ANXA6: variants seen among roughly 807,000 people sequenced by gnomAD.
ANXA6 encodes the protein annexin A6, also known as 67 kDa calelectrin.
In ANXA6, 71 loss-of-function variants were observed where a neutral mutation model predicts 95.4. That is an observed-to-expected ratio of 0.74 (90% CI 0.61 to 0.91). The LOEUF (loss-of-function observed/expected upper bound fraction) is 0.91, where lower values mean the gene tolerates loss of function less well. Ranked by LOEUF, ANXA6 falls within the 40% of genes least tolerant of loss-of-function variation. The pLI, the probability that ANXA6 is intolerant of heterozygous loss-of-function variation, is 0.00. For missense variants in ANXA6, 830 were observed against 876.4 expected (o/e 0.95, Z 0.67); for synonymous variants, 289 against 315.9 (o/e 0.91, Z 0.90).
rs1765749858 is a variant in ANXA6 at position 151,139,019 on chromosome 5, G to T, written c.205-228C>A. On this transcript the variant is annotated intron_variant, in intron 4 of 25. Coordinates refer to ENST00000354546, the MANE Select transcript of ANXA6 (RefSeq NM_001155.5). ...CTAGCAAACGGCTATGCAGGGTCAG[G>T]TCCACAGCCCTGTGCCACTTCCCCA... 5 of 600,126 alleles carry T rather than the reference G, an allele frequency of 8.3e-6. No homozygotes were observed. The South Asian group carries it at 1.0e-4, about 12-fold the overall frequency. The allele number at this position is 600,126 out of a possible 1,614,324, so 37.2% of individuals were successfully genotyped here. A position where few individuals can be genotyped will look rare whatever the true frequency, so the allele number is the denominator to read the frequency against.
intron 17 of ANXA6, among the ~76,000 whole-genome samples, chr5:151,121,759 T>A (rs570216400): frequency 6.6e-6 from 1 of 152,316 alleles, no homozygotes; most frequent in Admixed American, 6.5e-5. Context: ...TGACTTAAGC[T>A]GAATCAACTT....
chr5:151,144,382 C>T (rs1765921836), intron 2 of ANXA6, among the ~76,000 whole-genome samples: 1 of 152,140 alleles, frequency 6.6e-6, no homozygotes, highest in Non-Finnish European at 1.5e-5. Context: ...TATGTGGGAT[C>T]TAGAAACTAT....
intron 13 of ANXA6, among the ~76,000 whole-genome samples, chr5:151,127,859 G>T (rs1765370531): frequency 6.6e-6 from 1 of 152,158 alleles, no homozygotes; most frequent in Non-Finnish European, 1.5e-5. Context: ...TGATGAAACC[G>T]AGAAATGGCT....
intron 1 of ANXA6, among the ~76,000 whole-genome samples, chr5:151,153,467 TC>T (rs924864349): frequency 6.6e-6 from 1 of 152,174 alleles, no homozygotes; most frequent in Non-Finnish European, 1.5e-5. Flanking sequence ...CAGAAGGTAT[TC>T]CCCCGCTAGG....
intron 25 of ANXA6, 124 bp from the exon 26 acceptor site, chr5:151,101,631 A>C: frequency 1.2e-6 from 1 of 807,428 alleles, no homozygotes; most frequent in Non-Finnish European, 2.1e-6. Flanking sequence ...ATAGGATCCC[A>C]TGCCACATGT....
At chr5:151,119,229 G>A in intron 18 of ANXA6, 71 bp downstream of exon 18, 3 of 1,291,212 alleles carry the variant, frequency 2.3e-6, no homozygotes, top group Non-Finnish European at 3.4e-6. Flanking sequence ...GGGCAGAGCT[G>A]TGGGCTGGGG....
intron 18 of ANXA6, 68 bp downstream of exon 18, chr5:151,119,232 G>T: frequency 7.6e-7 from 1 of 1,315,332 alleles, no homozygotes; most frequent in South Asian, 1.2e-5. Context: ...CAGAGCTGTG[G>T]GCTGGGGTTG....
intron 1 of ANXA6, among the ~76,000 whole-genome samples, chr5:151,148,228 C>T (rs777337798): frequency 3.3e-5 from 5 of 152,204 alleles, no homozygotes; most frequent in Non-Finnish European, 7.3e-5. Flanking sequence ...CCTGTCTCAG[C>T]ACCGTCTCAG....
chr5:151,153,196 G>A (rs953516440), intron 1 of ANXA6, among the ~76,000 whole-genome samples: 14 of 152,088 alleles, frequency 9.2e-5, no homozygotes, highest in African/African-American at 1.7e-4. Flanking sequence ...AACCAGGAAC[G>A]CCTTCCACCA....
intron 20 of ANXA6, among the ~76,000 whole-genome samples, chr5:151,113,970 ACT>A (rs1270347099): frequency 2.0e-5 from 3 of 152,264 alleles, no homozygotes; most frequent in African/African-American, 7.2e-5. Flanking sequence ...CCGTGAAAAC[ACT>A]GTTAAGTGTT....
chr5:151,125,420 C>G lies in ANXA6; in HGVS notation c.1056+982G>C, dbSNP rs1765291063. Among the ~76,000 whole-genome samples the G allele has an allele frequency of 2.0e-5, 3 of 150,486 alleles. No individual in the cohort carries two copies. The South Asian group carries it at 6.3e-4, about 32-fold the overall frequency. ...GAATTAGGAAGTTGATACCATGTAT[C>G]ATAAACTGACAATTTACCACAAAAA... On this transcript the variant is annotated intron_variant, in intron 14 of 25. Transcript: ENST00000354546.
In ANXA6 at chr5:151,132,376, T is replaced by A. The variant is rs967663091; in HGVS notation, c.736+100A>T. 1.6e-4 allele frequency: 147 copies of A among 931,200 alleles called. 1 individual carries two copies. The highest frequency in any genetic ancestry group is 1.3e-4 in the Admixed American group (5 of 38,610). 57.7% of individuals were successfully genotyped at this position (931,200 alleles called of 1,614,324 possible). A position where few individuals can be genotyped will look rare whatever the true frequency, so the allele number is the denominator to read the frequency against. On this transcript the variant is annotated intron_variant, in intron 10 of 25. Coordinates refer to ENST00000354546, the MANE Select transcript of ANXA6 (RefSeq NM_001155.5). ...CCCACATGGTTTTCTCCTTCCCAAT[T>A]CTATACCATGTAATTCCCCTTTCCA...
At chr5:151,122,282 T>A (rs1234169826) in intron 16 of ANXA6, 22 bp from the exon 17 acceptor site, 1 of 1,471,824 alleles carries the variant, frequency 6.8e-7, no homozygotes, top group Admixed American at 1.8e-5. Context: ...AGAGCCACAG[T>A]CATGCCAACA....
At chr5:151,126,543 AACACACACACACACACAC>A (rs3079845) in intron 13 of ANXA6, 63 bp from the exon 14 acceptor site, 2 of 829,052 alleles carry the variant, frequency 2.4e-6, no homozygotes, top group Non-Finnish European at 4.0e-6. Context: ...CACTCACACC[AACACACACACACACACAC>A]ACACACACAC....
In ANXA6 at chr5:151,137,534, C is replaced by T. The variant is rs970355107; in HGVS notation, c.319-213G>A. 6.6e-5 allele frequency among the ~76,000 whole-genome samples: 10 copies of T among 152,138 alleles called. No individual in the cohort carries two copies. The South Asian group carries it at 8.3e-4, about 13-fold the overall frequency. ...TTCCCCACCAAATCTCATGTCGAAT[C>T]GTAGACCTGAATGTTGGAAGTGGGG... On this transcript the variant is annotated intron_variant, in intron 5 of 25. Coordinates refer to ENST00000354546, the MANE Select transcript of ANXA6 (RefSeq NM_001155.5).
intron 17 of ANXA6, among the ~76,000 whole-genome samples, chr5:151,121,483 T>C (rs1219289592): frequency 6.6e-6 from 1 of 152,236 alleles, no homozygotes; most frequent in Non-Finnish European, 1.5e-5. Context: ...TCTTGTTTAA[T>C]GTAGGGTCAG....
chr5:151,135,111 C>T (rs1399322450), intron 7 of ANXA6, among the ~76,000 whole-genome samples: 7 of 152,162 alleles, frequency 4.6e-5, no homozygotes, highest in South Asian at 2.1e-4. Context: ...CTCCTTCTTA[C>T]GTGGGCAGAG....
intron 20 of ANXA6, among the ~76,000 whole-genome samples, chr5:151,112,467 T>C (rs1032672728): frequency 6.6e-6 from 1 of 152,230 alleles, no homozygotes; most frequent in Non-Finnish European, 1.5e-5. Flanking sequence ...TAAATTTAAA[T>C]GTTAAATAAG....
chr5:151,105,168 A>C, intron 24 of ANXA6, 77 bp downstream of exon 24: 2 of 1,311,758 alleles, frequency 1.5e-6, no homozygotes, highest in East Asian at 4.6e-5. Context: ...GATCTGGGGG[A>C]TGGTGCACAT....
Sources: allele counts gnomAD v4.1 joint callset (sites outside exome capture counted in the v4.1 genomes callset), GRCh38; gene constraint gnomAD v4.1.1; transcripts MANE v1.5; gene names NCBI Gene and HGNC (gene_info 2026-07-23, HGNC 2026-07-21).